The following CDKL1 variants were observed in gnomAD, a reference collection of about 807,000 sequenced individuals.
The protein encoded by CDKL1 is cyclin dependent kinase like 1, also known as cyclin-dependent kinase-like 1.
CDKL1 carries 41 observed loss-of-function variants against 42.0 expected under a neutral mutation model. That is an observed-to-expected ratio of 0.98 (90% CI 0.76 to 1.27). CDKL1 has a LOEUF of 1.27. CDKL1 is among the 50% of genes most tolerant of loss of function. The pLI, the probability that CDKL1 is intolerant of heterozygous loss-of-function variation, is 0.00. For synonymous variants in CDKL1, 153 were observed against 158.6 expected (o/e 0.96, Z 0.26); for missense variants, 394 against 428.4 (o/e 0.92, Z 0.71).
intron 3 of CDKL1, among the ~76,000 whole-genome samples, chr14:50,347,995 C>T (rs1443756080): frequency 6.6e-6 from 1 of 152,136 alleles, no homozygotes; most frequent in East Asian, 1.9e-4. Flanking sequence ...TAAGCAAGCC[C>T]AGCTAATTTT....
intron 8 of CDKL1, chr14:50,332,686 C>T: frequency 1.3e-6 from 2 of 1,533,434 alleles, no homozygotes; most frequent in Non-Finnish European, 1.7e-6. Flanking sequence ...GCAATTGGTA[C>T]TCTGCCCTGG....
At chr14:50,333,818 C>G (rs1021790432) in intron 8 of CDKL1, 6 of 151,834 alleles carry the variant, frequency 4.0e-5, no homozygotes, top group Admixed American at 3.9e-4. Flanking sequence ...CCATGTGGGA[C>G]ATTGACTGTA....
intron 4 of CDKL1, chr14:50,343,154 A>AATTTTT (rs1595281795): frequency 3.0e-5 from 8 of 265,256 alleles, no homozygotes; most frequent in Non-Finnish European, 4.5e-5. Flanking sequence ...ATTAAGAGTT[A>AATTTTT]CTTTTTTTTT....
At position 50,332,393 on chromosome 14, in the gene CDKL1, C is replaced by G; in HGVS notation, c.835G>C (p.Glu279Gln). 6.2e-7 allele frequency: 1 copy of G among 1,614,078 alleles called. No homozygotes were observed. The highest frequency in any genetic ancestry group is 8.5e-7 in the Non-Finnish European group (1 of 1,180,000). Residue 279 changes from glutamate (E) to glutamine (Q), a missense_variant, in exon 9 of 10, where the codon GAA becomes CAA. Transcript: ENST00000395834. ...HMDPTQRLTC[E>Q]QLLHHPYFEN... is the part of the protein sequence containing the mutation. ...AAATATGGGTGATGCAACAGCTGTT[C>G]ACATGTCAGCCTTTGAGTAGGGTCC... is the stretch of plus-strand genomic sequence containing the variant.
At chr14:50,373,571 C>T (rs149146516) in intron 2 of CDKL1, among the ~76,000 whole-genome samples, 1 of 152,174 alleles carries the variant, frequency 6.6e-6, no homozygotes, top group African/African-American at 2.4e-5. Flanking sequence ...ATATTTATTA[C>T]ATTAAAACCA....
In CDKL1 at chr14:50,387,002, G is replaced by A. The variant is rs1336539042; in HGVS notation, c.168+8699C>T. On this transcript the variant is annotated intron_variant, in intron 2 of 9. Coordinates refer to ENST00000395834, the MANE Select transcript of CDKL1 (RefSeq NM_004196.7). The stretch of plus-strand genomic sequence containing the variant: ...AGATCGCGCCACTGTATTCCAGCCT[G>A]GAAGACAGAGCGAGACTCCGTCTCA... 3.3e-5 allele frequency among the ~76,000 whole-genome samples: 5 copies of A among 151,220 alleles called. No homozygotes were observed. In the East Asian group the frequency reaches 9.8e-4, roughly 30 times the overall value.
rs958682282 is a variant in CDKL1 at position 50,326,776 on chromosome 14, C to T, written c.*3298G>A. The T allele has an allele frequency of 7.1e-6, 7 of 984,474 alleles. No individual in the cohort carries two copies. The highest frequency in any genetic ancestry group is 1.7e-5 in the African/African-American group (1 of 57,172). 61.0% of individuals were successfully genotyped at this position (984,474 alleles called of 1,614,324 possible). ...TTGCTTTAGGCTGGGTGCCGTGGCT[C>T]GTGCCTGTAATCCCAGTGCTTTGGG... On this transcript the variant is annotated 3_prime_UTR_variant, in exon 10 of 10. Coordinates refer to ENST00000395834, the MANE Select transcript of CDKL1 (RefSeq NM_004196.7).
chr14:50,364,991 T>C (rs1297825808), intron 2 of CDKL1, among the ~76,000 whole-genome samples: 1 of 152,176 alleles, frequency 6.6e-6, no homozygotes, highest in East Asian at 1.9e-4. Context: ...GTTATAAAAA[T>C]GAGGTAAAGT....
intron 2 of CDKL1, among the ~76,000 whole-genome samples, chr14:50,388,573 GC>G (rs1364912073): frequency 1.3e-5 from 2 of 152,190 alleles, no homozygotes; most frequent in East Asian, 3.9e-4. Flanking sequence ...TTCTGTCTGT[GC>G]TTTCCTCTTC....
At chr14:50,393,538 G>A (rs565266445) in intron 2 of CDKL1, among the ~76,000 whole-genome samples, 1 of 152,254 alleles carries the variant, frequency 6.6e-6, no homozygotes, top group African/African-American at 2.4e-5. Flanking sequence ...GAATACAGTG[G>A]CCTAATCATA....
chr14:50,368,351 G>T (rs926681258), intron 2 of CDKL1, among the ~76,000 whole-genome samples: 4 of 152,128 alleles, frequency 2.6e-5, no homozygotes, highest in African/African-American at 9.7e-5. Flanking sequence ...CAAACTCCAG[G>T]CTCAAGTGAT....
At chr14:50,363,028 C>A in intron 2 of CDKL1, 2 of 442,996 alleles carry the variant, frequency 4.5e-6, no homozygotes, top group South Asian at 1.6e-5. Flanking sequence ...CCAGGGAGAC[C>A]ACGAACCCAC....
At chr14:50,341,807 G>C (rs1420419073) in intron 5 of CDKL1, among the ~76,000 whole-genome samples, 1 of 151,782 alleles carries the variant, frequency 6.6e-6, no homozygotes, top group Non-Finnish European at 1.5e-5. Context: ...AGTTCCCCAG[G>C]TGATTCTAAT....
At position 50,330,080 on chromosome 14, in the gene CDKL1, GT is replaced by G. The variant is rs866799047; in HGVS notation, c.1067del (p.Asn356ThrfsTer28). ...ATCATGTCTCCTAGCTCCTTTAAATGTTTGGAAAACGGTAGTTAAGTTTCTT... is the reference window on the plus strand; with the variant it reads ...ATCATGTCTCCTAGCTCCTTTAAATGTTGGAAAACGGTAGTTAAGTTTCTT... The part of the protein sequence containing the change: ...DTKKLNYRFP[N>X]I On this transcript the variant is annotated frameshift_variant, in exon 10 of 10. Coordinates refer to ENST00000395834, the MANE Select transcript of CDKL1 (RefSeq NM_004196.7). LOFTEE classifies it high-confidence loss of function. 2 of 1,608,416 alleles carry G rather than the reference GT, an allele frequency of 1.2e-6. No homozygotes were observed. Among genetic ancestry groups the G allele is most frequent in the Non-Finnish European group, 1.7e-6 (2 of 1,178,828 alleles).
At chr14:50,367,555 G>C (rs531257314) in intron 2 of CDKL1, among the ~76,000 whole-genome samples, 3 of 152,186 alleles carry the variant, frequency 2.0e-5, no homozygotes, top group African/African-American at 7.2e-5. Context: ...ACGTACAAAC[G>C]AATTAGATGA....
At chr14:50,358,150 G>A (rs2034113912) in intron 3 of CDKL1, 2 of 1,329,936 alleles carry the variant, frequency 1.5e-6, no homozygotes, top group Non-Finnish European at 2.0e-6. Flanking sequence ...ATATGCTAGA[G>A]AGAGCTGTGT....
At chr14:50,386,855 C>A (rs2035095894) in intron 2 of CDKL1, among the ~76,000 whole-genome samples, 1 of 151,272 alleles carries the variant, frequency 6.6e-6, no homozygotes, top group South Asian at 2.1e-4. Context: ...CCAGCCTGGC[C>A]ATCTCTACTA....
intron 2 of CDKL1, among the ~76,000 whole-genome samples, chr14:50,375,705 G>A (rs2034709703): frequency 6.6e-6 from 1 of 152,130 alleles, no homozygotes; most frequent in Admixed American, 6.5e-5. Context: ...GCTGAGGCAG[G>A]AGAATCGCTT....
At chr14:50,396,473 A>T in intron 1 of CDKL1, 144 bp from the exon 2 acceptor site, 1 of 984,198 alleles carries the variant, frequency 1.0e-6, no homozygotes, top group Non-Finnish European at 1.2e-6. Flanking sequence ...GTTAAAATGT[A>T]ACTTGCCATC....
Sources: allele counts gnomAD v4.1 joint callset (sites outside exome capture counted in the v4.1 genomes callset), GRCh38; gene constraint gnomAD v4.1.1; transcripts MANE v1.5; gene names NCBI Gene and HGNC (gene_info 2026-07-23, HGNC 2026-07-21).